The following ADAM18 variants were observed in gnomAD, a reference collection of about 807,000 sequenced individuals.
ADAM18 encodes disintegrin and metalloproteinase domain-containing protein 18.
A neutral mutation model predicts 94.4 loss-of-function variants in ADAM18; 117 were observed. The ratio of observed to expected loss-of-function variants is 1.24; its 90% CI spans 1.07 to 1.45. ADAM18 has a LOEUF of 1.45. Among genes scored for constraint, ADAM18 ranks in the 40% most tolerant of loss-of-function variants. ADAM18 has a pLI of 0.00. For missense variants in ADAM18, 936 were observed against 880.0 expected (o/e 1.06, Z -0.81); for synonymous variants, 327 against 291.6 (o/e 1.12, Z -1.24).
chr8:39,627,467 A>G (rs1585913678), intron 6 of ADAM18, among the ~76,000 whole-genome samples: 1 of 152,254 alleles, frequency 6.6e-6, no homozygotes, highest in East Asian at 1.9e-4. Context: ...GTCAAACCAT[A>G]TCAACATCCT....
chr8:39,725,651 A>G (rs1586020127), intron 19 of ADAM18, among the ~76,000 whole-genome samples: 2 of 152,342 alleles, frequency 1.3e-5, no homozygotes, highest in Middle Eastern at 6.8e-3. Flanking sequence ...AATGTCCTCT[A>G]CATCTATTCA....
chr8:39,660,795 T>A (rs1051216029), intron 12 of ADAM18, among the ~76,000 whole-genome samples: 2 of 152,188 alleles, frequency 1.3e-5, no homozygotes, highest in African/African-American at 4.8e-5. Flanking sequence ...AAAGTAGTAA[T>A]TCTAATCAAT....
intron 16 of ADAM18, among the ~76,000 whole-genome samples, chr8:39,690,111 G>C (rs1821729682): frequency 6.6e-6 from 1 of 152,220 alleles, no homozygotes. Context: ...CTTTTGCGCT[G>C]AGAGGATGGT....
At chr8:39,705,161 CTT>C (rs1173778622) in intron 17 of ADAM18, among the ~76,000 whole-genome samples, 1 of 152,066 alleles carries the variant, frequency 6.6e-6, no homozygotes, top group African/African-American at 2.4e-5. Flanking sequence ...TATTTAGTCT[CTT>C]TACACTGTAC....
At chr8:39,608,609 C>T (rs1819163774) in intron 3 of ADAM18, among the ~76,000 whole-genome samples, 1 of 151,906 alleles carries the variant, frequency 6.6e-6, no homozygotes, top group Non-Finnish European at 1.5e-5. Context: ...TTTTCCATGC[C>T]ACCCTATCTA....
chr8:39,621,379 G>A (rs1352199090), intron 6 of ADAM18, among the ~76,000 whole-genome samples: 1 of 148,358 alleles, frequency 6.7e-6, no homozygotes, highest in Non-Finnish European at 1.5e-5. Flanking sequence ...TCAATGTCCT[G>A]GTTTTGATAA....
rs566541187 is a variant in ADAM18 at position 39,676,474 on chromosome 8, T to C, written c.1526-957T>C. On this transcript the variant is annotated intron_variant, in intron 14 of 19. Transcript: ENST00000265707. Reference sequence around the variant, plus strand: ...GAGCCAGGCACAGGAGAGAATCATCTTGTCTGCCGATTCTAAGACCTTGGG... The same window carrying C: ...GAGCCAGGCACAGGAGAGAATCATCCTGTCTGCCGATTCTAAGACCTTGGG... 5.3e-5 allele frequency among the ~76,000 whole-genome samples: 8 copies of C among 152,358 alleles called. No homozygotes were observed. The South Asian group carries it at 1.7e-3, about 32-fold the overall frequency.
chr8:39,584,826 C>A, intron 1 of ADAM18, 149 bp downstream of exon 1: 1 of 921,950 alleles, frequency 1.1e-6, no homozygotes, highest in South Asian at 1.5e-5. Context: ...GACACCTTTC[C>A]ACGCCAGGCC....
At chr8:39,688,735 A>G (rs1563307513) in intron 16 of ADAM18, among the ~76,000 whole-genome samples, 1 of 152,176 alleles carries the variant, frequency 6.6e-6, no homozygotes, top group Non-Finnish European at 1.5e-5. Flanking sequence ...TCCTTTGGGT[A>G]TATAACCAGT....
intron 10 of ADAM18, among the ~76,000 whole-genome samples, chr8:39,640,844 T>G (rs1472245660): frequency 1.3e-5 from 2 of 151,994 alleles, no homozygotes; most frequent in African/African-American, 4.8e-5. Flanking sequence ...TGTCTGTTCT[T>G]GTCCTTTGTC....
rs766564724 is a variant in ADAM18, at chr8:39,648,516, G to C, written c.1219G>C (p.Gly407Arg). ...GGAATCCAATGAAGAATGTGACTGT[G>C]GTAATAAAAATGTGAGTAACAAAGA... is the stretch of plus-strand genomic sequence containing the variant. ...ILESNEECDC[G>R]NKNECQFKKC... Residue 407 changes from glycine (G) to arginine (R), a missense_variant, in exon 12 of 20, where the codon GGT becomes CGT. Transcript: ENST00000265707. The C allele has an allele frequency of 7.7e-5, 123 of 1,595,804 alleles. No individual in the cohort carries two copies. Among genetic ancestry groups the C allele is most frequent in the Non-Finnish European group, 8.1e-5 (95 of 1,173,386 alleles).
intron 19 of ADAM18, among the ~76,000 whole-genome samples, chr8:39,726,620 T>C (rs1822920297): frequency 6.6e-6 from 1 of 152,066 alleles, no homozygotes; most frequent in Admixed American, 6.5e-5. Context: ...AATAAAATCA[T>C]TGCCCAGACC....
chr8:39,648,694 T>G (rs7011969), intron 12 of ADAM18, among the ~76,000 whole-genome samples, 167 bp downstream of exon 12: 6,601 of 152,242 alleles, frequency 0.043, 489 homozygotes, highest in African/African-American at 0.15. Flanking sequence ...TTCCCACAAC[T>G]CTTAAACTGA....
intron 2 of ADAM18, chr8:39,605,840 C>T (rs1326541467): frequency 6.0e-6 from 1 of 165,474 alleles, no homozygotes; most frequent in African/African-American, 2.4e-5. Flanking sequence ...AATTCATAGC[C>T]TTTTATCCTT....
intron 15 of ADAM18, among the ~76,000 whole-genome samples, chr8:39,678,565 C>T (rs1285640349): frequency 6.6e-6 from 1 of 152,110 alleles, no homozygotes; most frequent in Non-Finnish European, 1.5e-5. Context: ...GATATTAATA[C>T]AGAGCACCAG....
At chr8:39,668,638 T>C (rs1821061648) in intron 14 of ADAM18, among the ~76,000 whole-genome samples, 1 of 152,166 alleles carries the variant, frequency 6.6e-6, no homozygotes, top group African/African-American at 2.4e-5. Flanking sequence ...AGCCACCTGA[T>C]CAAAATTCAT....
At chr8:39,597,784 A>G (rs1003129139) in intron 2 of ADAM18, among the ~76,000 whole-genome samples, 1 of 152,186 alleles carries the variant, frequency 6.6e-6, no homozygotes, top group African/African-American at 2.4e-5. Context: ...GCCTCTCCAC[A>G]TAAACTGTAG....
intron 6 of ADAM18, chr8:39,611,145 C>A: frequency 1.1e-6 from 1 of 943,050 alleles, no homozygotes; most frequent in Non-Finnish European, 1.3e-6. Context: ...CTGGCAGTTT[C>A]TTTCTTTCAG....
chr8:39,626,317 T>C (rs1334570024), intron 6 of ADAM18, among the ~76,000 whole-genome samples: 1 of 152,182 alleles, frequency 6.6e-6, no homozygotes, highest in Non-Finnish European at 1.5e-5. Flanking sequence ...CTAATGGAAC[T>C]AATGGTCTAT....
Sources: gnomAD v4.1 joint callset for allele counts (sites outside exome capture counted in the v4.1 genomes callset) on GRCh38, gnomAD v4.1.1 for gene constraint, MANE v1.5 for transcripts, NCBI Gene and HGNC (gene_info 2026-07-23, HGNC 2026-07-21) for gene names.